TSPAN9: variants seen among roughly 807,000 people sequenced by gnomAD.
The protein encoded by TSPAN9 is tetraspanin 9, also known as tetraspanin-9.
A neutral mutation model predicts 31.0 loss-of-function variants in TSPAN9; 16 were observed. The observed-to-expected ratio is 0.52, with a 90% CI of 0.35 to 0.78. TSPAN9 has a LOEUF of 0.78. Ranked by LOEUF, TSPAN9 falls within the 30% of genes least tolerant of loss-of-function variation. The pLI is 0.01. For synonymous variants in TSPAN9, 145 were observed against 121.6 expected, an observed-to-expected ratio of 1.19 and a Z score of -1.27; for missense variants, 272 against 312.5, an observed-to-expected ratio of 0.87 and a Z score of 0.98.
intron 3 of TSPAN9, among the ~76,000 whole-genome samples, chr12:3,210,219 G>T (rs7962280): frequency 0.29 from 43,460 of 151,830 alleles, 7,255 homozygotes; most frequent in South Asian, 0.46. Flanking sequence ...GGGTATATAG[G>T]AGTGTAATGG....
At chr12:3,188,953 T>C (rs543445074) in intron 2 of TSPAN9, among the ~76,000 whole-genome samples, 1 of 152,156 alleles carries the variant, frequency 6.6e-6, no homozygotes, top group African/African-American at 2.4e-5. Context: ...AGTTTCTCTT[T>C]AGTTTCCTAA....
At chr12:3,156,629 T>C (rs2098342433) in intron 2 of TSPAN9, among the ~76,000 whole-genome samples, 1 of 151,702 alleles carries the variant, frequency 6.6e-6, no homozygotes. Flanking sequence ...TGCCTCAGCC[T>C]CCCGAGCGGC....
intron 3 of TSPAN9, among the ~76,000 whole-genome samples, chr12:3,223,033 G>A (rs1413840400): frequency 6.6e-6 from 1 of 152,228 alleles, no homozygotes. Flanking sequence ...TGCAGGAGCC[G>A]AGTGCCTGAG....
chr12:3,182,363 G>A (rs1271348327), intron 2 of TSPAN9, among the ~76,000 whole-genome samples: 1 of 152,048 alleles, frequency 6.6e-6, no homozygotes, highest in Non-Finnish European at 1.5e-5. Context: ...ACCCGAGGCT[G>A]CCTGGGGCCC....
chr12:3,088,844 G>A (rs12827511), intron 2 of TSPAN9, among the ~76,000 whole-genome samples: 45,819 of 151,718 alleles, frequency 0.3, 8,606 homozygotes, highest in Admixed American at 0.46. Flanking sequence ...TGTTCTGTCT[G>A]GGGCACCTGA....
rs1280737755 is a variant in TSPAN9 at position 3,170,676 on chromosome 12, A to G, written c.-17-30501A>G. Among the ~76,000 whole-genome samples the G allele has an allele frequency of 2.0e-5, 3 of 151,940 alleles. No homozygotes were observed. Among genetic ancestry groups the G allele is most frequent in the Non-Finnish European group, 4.4e-5 (3 of 68,006 alleles). ...CAGAGCACCTTATCTGTAGAATGAG[A>G]TGGCTGCAGAGATCAGGCCTACCCA... On this transcript the variant is annotated intron_variant, in intron 2 of 8. Transcript: ENST00000011898. This position sits in a 1 kb window ranked among gnomAD's most constrained non-coding sequence, Gnocchi z 4.4.
intron 3 of TSPAN9, among the ~76,000 whole-genome samples, chr12:3,273,516 G>A (rs1271493813): frequency 6.6e-6 from 1 of 152,160 alleles, no homozygotes; most frequent in African/African-American, 2.4e-5. Context: ...TCCCATCGTG[G>A]GCTAGATTAT....
At chr12:3,282,945 G>A (rs903035373) in intron 8 of TSPAN9, 100 bp from the exon 9 acceptor site, 3 of 1,209,864 alleles carry the variant, frequency 2.5e-6, no homozygotes, top group Admixed American at 1.9e-5. Context: ...GGCCATCCCC[G>A]CTTGCTCTAG....
At chr12:3,221,153 C>G (rs1565619758) in intron 3 of TSPAN9, among the ~76,000 whole-genome samples, 1 of 146,562 alleles carries the variant, frequency 6.8e-6, no homozygotes, top group Non-Finnish European at 1.5e-5. Flanking sequence ...GGGCAGTCCT[C>G]TTGTTGGGAC....
At chr12:3,224,121 C>T (rs1317821268) in intron 3 of TSPAN9, among the ~76,000 whole-genome samples, 1 of 152,060 alleles carries the variant, frequency 6.6e-6, no homozygotes, top group Non-Finnish European at 1.5e-5. Context: ...GCAGGAAGTT[C>T]CTCCTTCCAT....
At chr12:3,085,928 A>G (rs138671034) in intron 2 of TSPAN9, among the ~76,000 whole-genome samples, 1,868 of 152,236 alleles carry the variant, frequency 0.012, 24 homozygotes, top group African/African-American at 0.041. Context: ...GTTTGCGGAG[A>G]TGGTCCCCTG....
Position 3,086,559 on chromosome 12 carries a change from G to A in TSPAN9, c.-18+2840G>A, listed in dbSNP as rs549709672. On this transcript the variant is annotated intron_variant, in intron 2 of 8. Coordinates refer to ENST00000011898, the MANE Select transcript of TSPAN9 (RefSeq NM_006675.5). ...GGAACAGGAAAAGATCTGGTAGAGAGCAGTCCAGGGGGTCCGAAGAGTCAG... is the reference window on the plus strand; with the variant it reads ...GGAACAGGAAAAGATCTGGTAGAGAACAGTCCAGGGGGTCCGAAGAGTCAG... Among the ~76,000 whole-genome samples, 16 of 152,216 alleles carry A rather than the reference G, an allele frequency of 1.1e-4. 1 individual carries two copies. In the South Asian group the frequency reaches 3.3e-3, roughly 32 times the overall value.
At chr12:3,214,856 G>A (rs546289421) in intron 3 of TSPAN9, among the ~76,000 whole-genome samples, 5 of 151,998 alleles carry the variant, frequency 3.3e-5, no homozygotes, top group African/African-American at 7.3e-5. Flanking sequence ...TCCAGCGATC[G>A]TCATTAGGAA....
At chr12:3,235,962 C>G (rs773998164) in intron 3 of TSPAN9, among the ~76,000 whole-genome samples, 4 of 152,272 alleles carry the variant, frequency 2.6e-5, no homozygotes, top group Non-Finnish European at 1.5e-5. Flanking sequence ...CAGGATTCCC[C>G]TGGACCTGCT....
chr12:3,106,057 C>G (rs1429589720), intron 2 of TSPAN9, among the ~76,000 whole-genome samples: 1 of 151,598 alleles, frequency 6.6e-6, no homozygotes, highest in Non-Finnish European at 1.5e-5. Context: ...CCATGTGCAC[C>G]TACACATAGC....
In TSPAN9 at chr12:3,122,286, A is replaced by C. The variant is rs1277629618; in HGVS notation, c.-18+38567A>C. 8.6e-5 allele frequency among the ~76,000 whole-genome samples: 13 copies of C among 151,080 alleles called. 1 individual carries two copies. The highest frequency in any genetic ancestry group is 1.5e-4 in the Non-Finnish European group (10 of 67,754). The stretch of plus-strand genomic sequence containing the variant: ...GAGGTGGAGCTTGCAGTGAGCCTGC[A>C]CTCCAGCCTGGGCGACAGAGTGAGA... On this transcript the variant is annotated intron_variant, in intron 2 of 8. Transcript: ENST00000011898.
intron 3 of TSPAN9, among the ~76,000 whole-genome samples, chr12:3,219,355 G>A (rs1222076314): frequency 2.6e-5 from 4 of 152,206 alleles, no homozygotes; most frequent in Non-Finnish European, 5.9e-5. Flanking sequence ...CACTGCCTTA[G>A]TTTGTCACCA....
intron 3 of TSPAN9, among the ~76,000 whole-genome samples, chr12:3,261,278 GT>G (rs1292299008): frequency 6.6e-6 from 1 of 152,228 alleles, no homozygotes; most frequent in Non-Finnish European, 1.5e-5. Flanking sequence ...AGCTTTAGAA[GT>G]TTTGTCCTAT....
chr12:3,118,719 C>T (rs967161289), intron 2 of TSPAN9, among the ~76,000 whole-genome samples: 3 of 152,198 alleles, frequency 2.0e-5, no homozygotes, highest in Non-Finnish European at 4.4e-5. Flanking sequence ...TGGGTCTCTC[C>T]CACTCCCAGC....
Sources: gnomAD v4.1 joint callset for allele counts (sites outside exome capture counted in the v4.1 genomes callset) on GRCh38, gnomAD v4.1.1 for gene constraint, Gnocchi (gnomAD v3.1) non-coding constraint, MANE v1.5 for transcripts, NCBI Gene and HGNC (gene_info 2026-07-23, HGNC 2026-07-21) for gene names.